RANGAP1: variants seen among roughly 807,000 people sequenced by gnomAD.
RANGAP1 encodes ran GTPase-activating protein 1.
RANGAP1 carries 38 observed loss-of-function variants against 63.5 expected under a neutral mutation model. The ratio of observed to expected loss-of-function variants is 0.60; its 90% CI spans 0.46 to 0.78. The LOEUF (loss-of-function observed/expected upper bound fraction) is 0.78. Ranked by LOEUF, RANGAP1 falls within the 30% of genes least tolerant of loss-of-function variation. The pLI is 0.00. For missense variants in RANGAP1, 630 were observed against 740.3 expected, an observed-to-expected ratio of 0.85 and a Z score of 1.73; for synonymous variants, 329 against 310.5, an observed-to-expected ratio of 1.06 and a Z score of -0.63.
chr22:41,274,653 C>G lies in RANGAP1; in HGVS notation c.187G>C (p.Val63Leu), dbSNP rs539682211. Residue 63 changes from valine to leucine, a missense_variant, in exon 3 of 16, where the codon GTG becomes CTG. Physicochemically the swap from Val to Leu is conservative, Grantham distance 32. Transcript: ENST00000356244. ...TTGGCGATGACCCTGGCTGCTTCCACGCCCACTGTGTTGCCTTCCAGACGC... is the reference window on the plus strand; with the variant it reads ...TTGGCGATGACCCTGGCTGCTTCCAGGCCCACTGTGTTGCCTTCCAGACGC... ...ALRLEGNTVGVEAARVIAKAL... is the reference protein window; with the variant it reads ...ALRLEGNTVGLEAARVIAKAL... 1.2e-6 allele frequency: 2 copies of G among 1,614,214 alleles called. No individual in the cohort carries two copies. Among genetic ancestry groups the G allele is most frequent in the South Asian group, 1.1e-5 (1 of 91,090 alleles).
chr22:41,270,630 T>C (rs767067072), intron 3 of RANGAP1, among the ~76,000 whole-genome samples: 2 of 152,210 alleles, frequency 1.3e-5, no homozygotes, highest in South Asian at 4.1e-4. Context: ...GTATCTTTTG[T>C]AGAGTTGGGA....
At chr22:41,261,816 C>T (rs761390268) in intron 5 of RANGAP1, among the ~76,000 whole-genome samples, 4 of 152,172 alleles carry the variant, frequency 2.6e-5, no homozygotes, top group Admixed American at 6.5e-5. Flanking sequence ...GCTTCACTTT[C>T]GAGACGGGGA....
intron 2 of RANGAP1, among the ~76,000 whole-genome samples, chr22:41,280,138 G>A (rs1471773941): frequency 6.6e-6 from 1 of 152,078 alleles, no homozygotes; most frequent in African/African-American, 2.4e-5. Context: ...GTCTATAAAC[G>A]TTAGACCTTA....
chr22:41,253,305 C>A (rs59164529), intron 11 of RANGAP1, among the ~76,000 whole-genome samples: 1 of 152,186 alleles, frequency 6.6e-6, no homozygotes, highest in Non-Finnish European at 1.5e-5. Context: ...TACGGAGGCA[C>A]ATGGGGGCTA....
In RANGAP1 at chr22:41,251,082, C is replaced by A. The variant is rs1322820983; in HGVS notation, c.1408G>T (p.Val470Phe). 1 of 1,614,100 alleles carries A rather than the reference C, an allele frequency of 6.2e-7. No homozygotes were observed. Among genetic ancestry groups the A allele is most frequent in the South Asian group, 1.1e-5 (1 of 91,088 alleles). The change falls in exon 13 of 16, where the codon GTC (valine) becomes TTC (phenylalanine). Residue 470 changes from valine to phenylalanine, a missense_variant. Around this residue, in one of 3 missense-constraint regions of RANGAP1, gnomAD observed 428 missense variants for 465.5 expected, o/e 0.92. Coordinates refer to ENST00000356244, the MANE Select transcript of RANGAP1 (RefSeq NM_002883.4). Reference sequence around the variant, plus strand: ...GATGACACCTTTAGGAAGGCAGAGACCACCTTCTCGGGGTCAGACGTGTCA... The same window carrying A: ...GATGACACCTTTAGGAAGGCAGAGAACACCTTCTCGGGGTCAGACGTGTCA... ...QTDTSDPEKVVSAFLKVSSVF... is the reference protein window; with the variant it reads ...QTDTSDPEKVFSAFLKVSSVF...
chr22:41,254,313 T>C lies in RANGAP1; in HGVS notation c.1255A>G (p.Thr419Ala), dbSNP rs1230466600. 2.5e-6 allele frequency: 4 copies of C among 1,613,940 alleles called. No homozygotes were observed. Among genetic ancestry groups the C allele is most frequent in the Non-Finnish European group, 3.4e-6 (4 of 1,180,010 alleles). The change falls in exon 11 of 16, where the codon ACT becomes GCT. Residue 419 changes from threonine to alanine, a missense_variant. Physicochemically the swap from Thr to Ala is moderately conservative, Grantham distance 58. This residue lies in a region of RANGAP1 where 428 missense variants were observed against 465.5 expected (regional missense o/e 0.92). Transcript: ENST00000356244. ...TPSRKILDPN[T>A]GEPAPVLSSP... Reference sequence around the variant, plus strand: ...GGCAGATGATAGAAACTCACCCCAGTGTTAGGGTCCAGAATCTTCCGTGAG... The same window carrying C: ...GGCAGATGATAGAAACTCACCCCAGCGTTAGGGTCCAGAATCTTCCGTGAG...
At chr22:41,295,191 G>A in the RANGAP1 span, among the ~76,000 whole-genome samples, 3 of 151,474 alleles carry the variant, frequency 2.0e-5, no homozygotes, top group Non-Finnish European at 4.4e-5. Flanking sequence ...ACCCCGTCTG[G>A]GAGGTGTGCC....
upstream of RANGAP1, among the ~76,000 whole-genome samples, chr22:41,288,693 T>C (rs1338010522): frequency 3.3e-5 from 5 of 151,968 alleles, no homozygotes; most frequent in African/African-American, 9.7e-5. Context: ...TGATAGGACA[T>C]TGGGTTTTCG....
At chr22:41,275,481 G>C (rs1601693478) in intron 2 of RANGAP1, among the ~76,000 whole-genome samples, 1 of 151,238 alleles carries the variant, frequency 6.6e-6, no homozygotes, top group Non-Finnish European at 1.5e-5. Flanking sequence ...GACACAGCAA[G>C]ACTCCATCTT....
rs1275363658 is a variant in RANGAP1 at position 41,246,223 on chromosome 22, G to A, written c.*380C>T. 6.5e-5 allele frequency: 13 copies of A among 201,216 alleles called. No homozygotes were observed. The highest frequency in any genetic ancestry group is 2.1e-4 in the African/African-American group (9 of 42,878). The allele number at this position is 201,216 out of a possible 1,614,324, so 12.5% of individuals were successfully genotyped here. On this transcript the variant is annotated 3_prime_UTR_variant, in exon 16 of 16. Coordinates refer to ENST00000356244, the MANE Select transcript of RANGAP1 (RefSeq NM_002883.4). ...GGGCAACTCCCTGGGTTCTGGCTCC[G>A]CCAGGGAGCCGGGCCGGAAGGCAGG...
chr22:41,264,874 A>G (rs778733246), intron 4 of RANGAP1, 31 bp from the exon 5 acceptor site: 1 of 1,577,822 alleles, frequency 6.3e-7, no homozygotes, highest in Non-Finnish European at 8.7e-7. Context: ...TGTCAGTTTC[A>G]TAGACACCCA....
At chr22:41,254,607 G>A (rs372809297) in intron 10 of RANGAP1, 113 bp from the exon 11 acceptor site, 1 of 1,483,954 alleles carries the variant, frequency 6.7e-7, no homozygotes, top group Non-Finnish European at 8.9e-7. Flanking sequence ...GAGAGAGCCT[G>A]GTGGGGTGGG....
chr22:41,258,968 T>C (rs903345769), intron 6 of RANGAP1, among the ~76,000 whole-genome samples: 2 of 152,160 alleles, frequency 1.3e-5, no homozygotes, highest in African/African-American at 4.8e-5. Flanking sequence ...CAGCATTTTC[T>C]TGACAGGCTA....
chr22:41,260,646 G>A (rs1218352971), intron 6 of RANGAP1, among the ~76,000 whole-genome samples: 3 of 152,176 alleles, frequency 2.0e-5, no homozygotes, highest in East Asian at 1.9e-4. Context: ...TCAGGAGTTC[G>A]AGACCACCTG....
At chr22:41,271,555 A>G (rs2034830015) in intron 3 of RANGAP1, among the ~76,000 whole-genome samples, 1 of 152,002 alleles carries the variant, frequency 6.6e-6, no homozygotes, top group Non-Finnish European at 1.5e-5. Flanking sequence ...ATTAGCCGGC[A>G]TGGTGGCAGG....
rs1056932581 is a variant in RANGAP1, at chr22:41,245,576, G to A, written c.*1027C>T. ...GGACTCCACGTACAACGGCCCCCGA[G>A]ACTATCCCGCTTTCAGTGAGAGTTT... On this transcript the variant is annotated 3_prime_UTR_variant, in exon 16 of 16. Coordinates refer to ENST00000356244, the MANE Select transcript of RANGAP1 (RefSeq NM_002883.4). The A allele has an allele frequency of 6.6e-6, 1 of 152,246 alleles. No homozygotes were observed. Among genetic ancestry groups the A allele is most frequent in the Admixed American group, 6.5e-5 (1 of 15,286 alleles). The allele number at this position is 152,246 out of a possible 1,614,324, so 9.4% of individuals were successfully genotyped here.
At chr22:41,287,234 A>G (rs2035772790), upstream of RANGAP1, among the ~76,000 whole-genome samples, 1 of 152,244 alleles carries the variant, frequency 6.6e-6, no homozygotes, top group African/African-American at 2.4e-5. Context: ...ATATACCTAT[A>G]CATATACATA....
chr22:41,276,014 C>T (rs754041963), intron 2 of RANGAP1, among the ~76,000 whole-genome samples: 3 of 152,078 alleles, frequency 2.0e-5, no homozygotes, highest in Non-Finnish European at 2.9e-5. Context: ...CACTGTGGCA[C>T]GTTACACAAA....
In RANGAP1 at chr22:41,261,436, A is replaced by C; in HGVS notation, c.615+10T>G. ...AGGCTGCAGGGGCAGGATGGACAGA[A>C]ACCACTCACCCTAAAAGCTTCTGCC... On this transcript the variant is annotated intron_variant, in intron 6 of 15. Coordinates refer to ENST00000356244, the MANE Select transcript of RANGAP1 (RefSeq NM_002883.4). 6.2e-7 allele frequency: 1 copy of C among 1,614,176 alleles called. No homozygotes were observed.
Sources: gnomAD v4.1 joint callset for allele counts (sites outside exome capture counted in the v4.1 genomes callset) on GRCh38, gnomAD v4.1.1 for gene constraint, gnomAD v4.1.1 regional missense constraint, MANE v1.5 for transcripts, NCBI Gene and HGNC (gene_info 2026-07-23, HGNC 2026-07-21) for gene names.